The following TAS2R1 variants were observed in gnomAD, a reference collection of about 807,000 sequenced individuals.
TAS2R1 encodes taste receptor type 2 member 1.
For missense variants in TAS2R1, 370 were observed against 353.4 expected (o/e 1.05, Z -0.38); for synonymous variants, 141 against 134.2 (o/e 1.05, Z -0.35).
chr5:9,819,949 T>C, the TAS2R1 span, among the ~76,000 whole-genome samples: 2 of 152,102 alleles, frequency 1.3e-5, no homozygotes, highest in Admixed American at 1.3e-4. Flanking sequence ...TGTAAGTATT[T>C]CAGCCCTGTC....
At chr5:9,788,847 A>C in the TAS2R1 span, among the ~76,000 whole-genome samples, 2 of 152,182 alleles carry the variant, frequency 1.3e-5, no homozygotes, top group African/African-American at 2.4e-5. Context: ...TTTCTATGTA[A>C]ATTTTCTTCA....
chr5:9,886,859 T>A, the TAS2R1 span, among the ~76,000 whole-genome samples: 95 of 151,992 alleles, frequency 6.3e-4, no homozygotes, highest in Admixed American at 1.8e-3. Flanking sequence ...TGCACATGTA[T>A]CCCTGAACCT....
the TAS2R1 span, among the ~76,000 whole-genome samples, chr5:9,813,088 C>A: frequency 5.9e-5 from 9 of 152,108 alleles, no homozygotes; most frequent in East Asian, 1.7e-3. Context: ...AAAATGAGGT[C>A]ATTTTAAACA....
At chr5:9,665,068 G>T (rs1374827357) in intron 1 of TAS2R1, among the ~76,000 whole-genome samples, 1 of 152,182 alleles carries the variant, frequency 6.6e-6, no homozygotes, top group African/African-American at 2.4e-5. Flanking sequence ...TCTCTTCTCA[G>T]CCTCTTACAA....
At chr5:9,816,762 G>A in the TAS2R1 span, among the ~76,000 whole-genome samples, 1 of 152,038 alleles carries the variant, frequency 6.6e-6, no homozygotes, top group African/African-American at 2.4e-5. Flanking sequence ...AAGCATCAAG[G>A]CAGTTGATGA....
At chr5:9,747,821 T>G in the TAS2R1 span, among the ~76,000 whole-genome samples, 2 of 151,928 alleles carry the variant, frequency 1.3e-5, no homozygotes, top group African/African-American at 4.8e-5. Context: ...ACTTTTTTTT[T>G]TTTTTGAAAA....
At chr5:9,876,829 T>C in the TAS2R1 span, among the ~76,000 whole-genome samples, 1 of 152,062 alleles carries the variant, frequency 6.6e-6, no homozygotes, top group Non-Finnish European at 1.5e-5. Flanking sequence ...GCCAAAAAGG[T>C]TGTCTAGTTG....
At chr5:9,833,436 T>C in the TAS2R1 span, among the ~76,000 whole-genome samples, 7 of 152,238 alleles carry the variant, frequency 4.6e-5, no homozygotes, top group Non-Finnish European at 7.3e-5. Context: ...AAAAGTATCC[T>C]TTATTATGGA....
the TAS2R1 span, among the ~76,000 whole-genome samples, chr5:9,800,248 T>C: frequency 6.6e-6 from 1 of 152,256 alleles, no homozygotes; most frequent in Non-Finnish European, 1.5e-5. Context: ...CAGCCCAATA[T>C]GTCAATAGTG....
At chr5:9,753,651 G>A in the TAS2R1 span, among the ~76,000 whole-genome samples, 16 of 152,138 alleles carry the variant, frequency 1.1e-4, no homozygotes, top group East Asian at 2.9e-3. Flanking sequence ...GTATTGCCTA[G>A]GTTTTCTTCT....
At chr5:9,752,688 A>T in the TAS2R1 span, among the ~76,000 whole-genome samples, 2 of 151,842 alleles carry the variant, frequency 1.3e-5, no homozygotes, top group African/African-American at 4.8e-5. Flanking sequence ...TCCTAATGCT[A>T]TCCCTCCCCT....
chr5:9,665,584 C>T (rs575236305), intron 1 of TAS2R1, among the ~76,000 whole-genome samples: 1 of 152,324 alleles, frequency 6.6e-6, no homozygotes, highest in South Asian at 2.1e-4. Flanking sequence ...ACTAAAGCTG[C>T]AGATGTTGGT....
the TAS2R1 span, among the ~76,000 whole-genome samples, chr5:9,897,408 C>T: frequency 5.9e-5 from 9 of 152,160 alleles, no homozygotes; most frequent in Admixed American, 1.3e-4. Context: ...GAGATCACGC[C>T]GCTGCACTCC....
At chr5:9,894,409 A>AC in the TAS2R1 span, among the ~76,000 whole-genome samples, 15 of 134,698 alleles carry the variant, frequency 1.1e-4, no homozygotes, top group East Asian at 6.6e-4. Context: ...AAAAACAAAA[A>AC]AAAACAGAAG....
chr5:9,800,314 C>T, the TAS2R1 span, among the ~76,000 whole-genome samples: 1 of 152,180 alleles, frequency 6.6e-6, no homozygotes, highest in Non-Finnish European at 1.5e-5. Flanking sequence ...GTTCATATCT[C>T]TGGGAATGAG....
At chr5:9,821,085 T>C in the TAS2R1 span, among the ~76,000 whole-genome samples, 2 of 152,162 alleles carry the variant, frequency 1.3e-5, no homozygotes, top group Non-Finnish European at 2.9e-5. Context: ...AGACCCTTGA[T>C]AGCAGTGCAG....
intron 2 of TAS2R1, among the ~76,000 whole-genome samples, chr5:9,651,973 G>A (rs1740315091): frequency 6.6e-6 from 1 of 152,170 alleles, no homozygotes; most frequent in Admixed American, 6.5e-5. Flanking sequence ...TTTTTGTCAT[G>A]ACTGTCACTA....
At chr5:9,867,325 A>C in the TAS2R1 span, 20 of 152,232 alleles carry the variant, frequency 1.3e-4, no homozygotes, top group Non-Finnish European at 2.6e-4. Flanking sequence ...CAGACCAGGT[A>C]ATTTATAAAG....
the TAS2R1 span, among the ~76,000 whole-genome samples, chr5:9,758,504 A>G: frequency 6.6e-6 from 1 of 152,206 alleles, no homozygotes; most frequent in African/African-American, 2.4e-5. Context: ...ACAAAATCTA[A>G]AAGAACCCAA....
Sources: gnomAD v4.1 joint callset for allele counts (sites outside exome capture counted in the v4.1 genomes callset) on GRCh38, gnomAD v4.1.1 for gene constraint, MANE v1.5 for transcripts, NCBI Gene and HGNC (gene_info 2026-07-23, HGNC 2026-07-21) for gene names.